The following LIN9 variants were observed in gnomAD, a reference collection of about 807,000 sequenced individuals.
LIN9 encodes protein lin-9 homolog.
In LIN9, 18 loss-of-function variants were observed where a neutral mutation model predicts 78.0. The ratio of observed to expected loss-of-function variants is 0.23; its 90% CI spans 0.16 to 0.34. The LOEUF is 0.34. LIN9 is among the 10% of genes least tolerant of loss of function. The probability of loss-of-function intolerance (pLI) is 1.00; values close to 1 mark genes in which losing one functional copy is unlikely to be tolerated. For synonymous variants in LIN9, 192 were observed against 215.2 expected (o/e 0.89, Z 0.94); for missense variants, 451 against 644.1 (o/e 0.70, Z 3.25).
rs1361050593 is a variant in LIN9 at position 226,260,156 on chromosome 1, A to G, written c.1038+5377T>C. Among the ~76,000 whole-genome samples, 6 of 152,220 alleles carry G rather than the reference A, an allele frequency of 3.9e-5. No individual in the cohort carries two copies. In the East Asian group the frequency reaches 1.2e-3, roughly 29 times the overall value. On this transcript the variant is annotated intron_variant, in intron 10 of 14. Coordinates refer to ENST00000681046, the MANE Select transcript of LIN9 (RefSeq NM_001366245.2). ...CACAAGAAAAAAATGGAAGGCTCTG[A>G]ATAGGCTTATATCTACTAAATAAAT...
In LIN9 at chr1:226,277,867, A is replaced by T. The variant is rs1342863194; in HGVS notation, c.590T>A (p.Leu197His). 1 of 1,613,600 alleles carries T rather than the reference A, an allele frequency of 6.2e-7. No homozygotes were observed. Among genetic ancestry groups the T allele is most frequent in the Non-Finnish European group, 8.5e-7 (1 of 1,179,728 alleles). ...ALKQKRQKIR[L>H]LQQRKVADVS... ...ATCTGCAACTTTCCTTTGTTGTAAG[A>T]GCCTTATTTTCTGCCGTTTCTGTTT... Residue 197 changes from leucine to histidine, a missense_variant, in exon 7 of 15, where the codon CTC (leucine) becomes CAC (histidine). By Grantham distance (99) the Leu-to-His change is moderately conservative. Transcript: ENST00000681046.
At chr1:226,233,312 C>G in intron 13 of LIN9, 32 bp downstream of exon 13, 1 of 1,577,376 alleles carries the variant, frequency 6.3e-7, no homozygotes, top group South Asian at 1.1e-5. Context: ...TGCTTTGTGT[C>G]AAATTAAGAA....
Position 226,250,883 on chromosome 1 carries a change from G to A in LIN9, c.1075C>T (p.His359Tyr). 2 of 1,542,718 alleles carry A rather than the reference G, an allele frequency of 1.3e-6. No individual in the cohort carries two copies. Among genetic ancestry groups the A allele is most frequent in the Non-Finnish European group, 1.8e-6 (2 of 1,125,882 alleles). The change falls in exon 11 of 15, where the codon CAT becomes TAT. Residue 359 changes from histidine (H) to tyrosine (Y), a missense_variant. By Grantham distance (83) the His-to-Tyr change is moderately conservative. Transcript: ENST00000681046. ...TTCATTTCCCTTAATTTCTTGATATGTTCCTTTTTAATCATGAGAATTTTT... is the reference window on the plus strand; with the variant it reads ...TTCATTTCCCTTAATTTCTTGATATATTCCTTTTTAATCATGAGAATTTTT... ...LSKILMIKKE[H>Y]IKKLREMNTE...
At chr1:226,252,870 G>A (rs1274621033) in intron 10 of LIN9, among the ~76,000 whole-genome samples, 3 of 152,090 alleles carry the variant, frequency 2.0e-5, no homozygotes, top group African/African-American at 7.2e-5. Context: ...GGCAGGCTGA[G>A]GCAGGAGAAT....
intron 11 of LIN9, among the ~76,000 whole-genome samples, chr1:226,245,153 A>G (rs1319154066): frequency 2.0e-5 from 3 of 152,210 alleles, no homozygotes; most frequent in Non-Finnish European, 2.9e-5. Flanking sequence ...GAAAAAAGGC[A>G]TACACATTTA....
At chr1:226,282,466 C>T (rs1032635976) in intron 6 of LIN9, among the ~76,000 whole-genome samples, 4 of 152,178 alleles carry the variant, frequency 2.6e-5, no homozygotes, top group African/African-American at 4.8e-5. Context: ...GAGTGACTAA[C>T]CATGCCATTA....
chr1:226,237,509 G>A (rs1199996437), intron 12 of LIN9, among the ~76,000 whole-genome samples: 2 of 151,742 alleles, frequency 1.3e-5, no homozygotes, highest in African/African-American at 2.4e-5. Flanking sequence ...ATGCATGCCT[G>A]TAATCCCAGC....
intron 11 of LIN9, among the ~76,000 whole-genome samples, chr1:226,240,463 AC>A (rs1658039514): frequency 6.7e-6 from 1 of 148,830 alleles, no homozygotes; most frequent in African/African-American, 2.5e-5. Context: ...ATCTCCGCTC[AC>A]TACAACCTCT....
chr1:226,286,928 C>T (rs1333963847), intron 5 of LIN9, among the ~76,000 whole-genome samples: 3 of 152,120 alleles, frequency 2.0e-5, no homozygotes, highest in Non-Finnish European at 4.4e-5. Context: ...CTCTCTTAAG[C>T]CTATGGACAA....
At chr1:226,275,883 C>A (rs1660624539) in intron 7 of LIN9, among the ~76,000 whole-genome samples, 1 of 151,664 alleles carries the variant, frequency 6.6e-6, no homozygotes, top group South Asian at 2.1e-4. Flanking sequence ...CAAAAATTAG[C>A]CAGGCGTGGT....
intron 11 of LIN9, among the ~76,000 whole-genome samples, chr1:226,249,162 T>C (rs1004031634): frequency 3.9e-5 from 6 of 152,112 alleles, no homozygotes; most frequent in African/African-American, 1.4e-4. Context: ...ATAGAAGAGA[T>C]GATAAGGTGA....
intron 1 of LIN9, among the ~76,000 whole-genome samples, chr1:226,306,637 A>T (rs540469930): frequency 1.1e-4 from 17 of 152,330 alleles, no homozygotes; most frequent in African/African-American, 3.8e-4. Flanking sequence ...AAATACATGT[A>T]ATATCCTTTG....
intron 10 of LIN9, among the ~76,000 whole-genome samples, chr1:226,257,487 AAAT>A (rs1341692341): frequency 2.0e-5 from 3 of 152,332 alleles, no homozygotes; most frequent in South Asian, 2.1e-4. Flanking sequence ...GGTATAAATA[AAAT>A]AATGAGAGCA....
At position 226,280,056 on chromosome 1, in the gene LIN9, C is replaced by T. The variant is rs1435286573; in HGVS notation, c.525-2124G>A. ...TAGCAGTTAAAGATGAGACTTCCTA[C>T]TATGTAAACTTTTAATCATAATTTT... is the stretch of plus-strand genomic sequence containing the variant. On this transcript the variant is annotated intron_variant, in intron 6 of 14. Transcript: ENST00000681046. Among the ~76,000 whole-genome samples, 3 of 152,168 alleles carry T rather than the reference C, an allele frequency of 2.0e-5. No homozygotes were observed. The East Asian group carries it at 5.8e-4, about 29-fold the overall frequency.
Position 226,233,376 on chromosome 1 carries a change from A to C in LIN9, c.1393T>G (p.Ser465Ala). 2 of 1,612,744 alleles carry C rather than the reference A, an allele frequency of 1.2e-6. No individual in the cohort carries two copies. The highest frequency in any genetic ancestry group is 1.7e-6 in the Non-Finnish European group (2 of 1,179,554). ...VENENLTDLI[S>A]RLTAILLQIK... is the part of the protein sequence containing the mutation. The stretch of plus-strand genomic sequence containing the variant: ...TGTAACAAAATAGCTGTAAGCCTGG[A>C]AATTAAGTCTGTCAGATTTTCATTT... Residue 465 changes from serine to alanine, a missense_variant, in exon 13 of 15, where the codon TCC becomes GCC. Coordinates refer to ENST00000681046, the MANE Select transcript of LIN9 (RefSeq NM_001366245.2).
intron 14 of LIN9, chr1:226,232,834 A>G (rs1217261108): frequency 2.0e-6 from 1 of 505,098 alleles, no homozygotes; most frequent in Non-Finnish European, 3.4e-6. Flanking sequence ...TGAGTCTCTC[A>G]CTGACTGGGG....
chr1:226,297,571 T>C (rs528630403), intron 3 of LIN9, 148 bp downstream of exon 3: 4 of 437,870 alleles, frequency 9.1e-6, no homozygotes, highest in African/African-American at 8.0e-5. Context: ...TTAATTTACC[T>C]AAATAAGATC....
chr1:226,273,369 C>T (rs1423534006), intron 7 of LIN9, among the ~76,000 whole-genome samples: 1 of 150,892 alleles, frequency 6.6e-6, no homozygotes, highest in Non-Finnish European at 1.5e-5. Context: ...CCATCTCAGC[C>T]TTCCAAGGAA....
chr1:226,248,388 G>C (rs987487867), intron 11 of LIN9, among the ~76,000 whole-genome samples: 13 of 152,098 alleles, frequency 8.5e-5, no homozygotes, highest in African/African-American at 3.1e-4. Flanking sequence ...TTGTTAAGCA[G>C]ACTGCTTCAT....
Sources: allele counts gnomAD v4.1 joint callset (sites outside exome capture counted in the v4.1 genomes callset), GRCh38; gene constraint gnomAD v4.1.1; transcripts MANE v1.5; gene names NCBI Gene and HGNC (gene_info 2026-07-23, HGNC 2026-07-21).